The following COLEC12 variants were observed in gnomAD, a reference collection of about 807,000 sequenced individuals.
COLEC12 encodes the protein collectin subfamily member 12.
A neutral mutation model predicts 71.1 loss-of-function variants in COLEC12; 33 were observed. The observed-to-expected ratio is 0.46, with a 90% confidence interval of 0.35 to 0.62. The LOEUF is 0.62. Among genes scored for constraint, COLEC12 ranks in the 20% least tolerant of loss-of-function variants. The pLI is 0.00. For missense variants in COLEC12, 765 were observed against 916.1 expected, an observed-to-expected ratio of 0.84 and a Z score of 2.13; for synonymous variants, 350 against 353.0, an observed-to-expected ratio of 0.99 and a Z score of 0.10.
At chr18:330,059 C>G (rs1913937362) in intron 8 of COLEC12, among the ~76,000 whole-genome samples, 2 of 152,248 alleles carry the variant, frequency 1.3e-5, no homozygotes, top group South Asian at 4.1e-4. Context: ...GCCTGGGCAA[C>G]AGAGTGAGAC....
At chr18:370,413 C>A (rs1482517949) in intron 2 of COLEC12, among the ~76,000 whole-genome samples, 1 of 152,140 alleles carries the variant, frequency 6.6e-6, no homozygotes, top group East Asian at 1.9e-4. Flanking sequence ...AAAGAAGAAG[C>A]GGCTTTGGGT....
intron 2 of COLEC12, among the ~76,000 whole-genome samples, chr18:460,662 G>A (rs955750095): frequency 6.6e-6 from 1 of 152,160 alleles, no homozygotes; most frequent in Admixed American, 6.5e-5. Context: ...AGGCACGTGA[G>A]AAGCCCAGGG....
intron 2 of COLEC12, among the ~76,000 whole-genome samples, chr18:382,285 A>T (rs1915249974): frequency 6.6e-6 from 1 of 152,220 alleles, no homozygotes; most frequent in African/African-American, 2.4e-5. Context: ...AATCAGATAC[A>T]GATGGAAAAA....
chr18:493,987 TA>T (rs902889866), intron 1 of COLEC12, among the ~76,000 whole-genome samples: 13 of 148,190 alleles, frequency 8.8e-5, no homozygotes, highest in African/African-American at 2.5e-4. Context: ...GCAATAGTAC[TA>T]AAAAAAAAAC....
At chr18:479,710 A>G (rs931543090) in intron 2 of COLEC12, among the ~76,000 whole-genome samples, 1 of 152,186 alleles carries the variant, frequency 6.6e-6, no homozygotes, top group Admixed American at 6.5e-5. Flanking sequence ...CTGGCATTTC[A>G]AGGTCAAAGA....
chr18:441,521 T>C (rs542511059), intron 2 of COLEC12, among the ~76,000 whole-genome samples: 49 of 152,172 alleles, frequency 3.2e-4, no homozygotes, highest in Middle Eastern at 3.4e-3. Context: ...GACTCTAGAT[T>C]GGGGCATTCA....
intron 2 of COLEC12, among the ~76,000 whole-genome samples, chr18:383,796 TAAAGGAAAG>T (rs1224300942): frequency 2.6e-5 from 4 of 152,072 alleles, no homozygotes; most frequent in East Asian, 1.9e-4. Context: ...GGATAATTTA[TAAAGGAAAG>T]AAAGGAAAGA....
rs73371834 is a variant in COLEC12 at position 325,562 on chromosome 18, C to T, written c.2064-3755G>A. ...AGGTCTAGCAGGCAGCCTCCATTAA[C>T]AATGACAGTCTCCCAATCACATGCT... On this transcript the variant is annotated intron_variant, in intron 8 of 9. Coordinates refer to ENST00000400256, the MANE Select transcript of COLEC12 (RefSeq NM_130386.3). Among the ~76,000 whole-genome samples, 342 of 141,254 alleles carry T rather than the reference C, an allele frequency of 2.4e-3. 2 individuals carry two copies. Among genetic ancestry groups the T allele is most frequent in the African/African-American group, 8.5e-3 (324 of 38,156 alleles). 92.7% of individuals were successfully genotyped at this position (141,254 alleles called of 152,430 possible).
rs1913883242 is a variant in COLEC12 at position 327,971 on chromosome 18, T to C, written c.2063+3697A>G. 2.0e-5 allele frequency among the ~76,000 whole-genome samples: 3 copies of C among 152,170 alleles called. No individual in the cohort carries two copies. The South Asian group carries it at 6.2e-4, about 32-fold the overall frequency. ...ATTGCTACTTCAATCTCCTTCTTTG[T>C]TATTAGGCTGGCCAGGCTATTTCTT... is the stretch of plus-strand genomic sequence containing the variant. On this transcript the variant is annotated intron_variant, in intron 8 of 9. Coordinates refer to ENST00000400256, the MANE Select transcript of COLEC12 (RefSeq NM_130386.3). This position sits in a 1 kb window ranked among gnomAD's most constrained non-coding sequence, Gnocchi z 4.0.
Position 362,812 on chromosome 18 carries a change from GA to G in COLEC12, c.59-5291del, listed in dbSNP as rs1914775469. Reference sequence around the variant, plus strand: ...TTTCCCTCTTGAACTATCTCCCGCTGAACTCCACTCTTGGCTCATGTTTTGA... The same window carrying G: ...TTTCCCTCTTGAACTATCTCCCGCTGACTCCACTCTTGGCTCATGTTTTGA... On this transcript the variant is annotated intron_variant, in intron 2 of 9. Transcript: ENST00000400256. This position sits in a 1 kb window ranked among gnomAD's most constrained non-coding sequence, Gnocchi z 4.6. Among the ~76,000 whole-genome samples, 2 of 152,288 alleles carry G rather than the reference GA, an allele frequency of 1.3e-5. No individual in the cohort carries two copies. The highest frequency in any genetic ancestry group is 1.3e-4 in the Admixed American group (2 of 15,302).
intron 5 of COLEC12, among the ~76,000 whole-genome samples, chr18:336,263 G>C (rs991854518): frequency 6.6e-6 from 1 of 152,138 alleles, no homozygotes; most frequent in African/African-American, 2.4e-5. Flanking sequence ...CAGAGGGACG[G>C]GAGGTCTCTG....
At chr18:434,965 A>G (rs1916375760) in intron 2 of COLEC12, among the ~76,000 whole-genome samples, 1 of 152,206 alleles carries the variant, frequency 6.6e-6, no homozygotes, top group South Asian at 2.1e-4. Context: ...ACATTTGCTC[A>G]GCTTGGAATA....
At chr18:365,388 G>C (rs1372793616) in intron 2 of COLEC12, among the ~76,000 whole-genome samples, 1 of 152,218 alleles carries the variant, frequency 6.6e-6, no homozygotes, top group African/African-American at 2.4e-5. Flanking sequence ...AGATGGGCCA[G>C]GGAAAGAAGG....
intron 9 of COLEC12, among the ~76,000 whole-genome samples, chr18:320,982 G>A (rs770544594): frequency 6.6e-5 from 10 of 152,328 alleles, no homozygotes; most frequent in Admixed American, 1.3e-4. Flanking sequence ...ATAGATACAC[G>A]TGGAATTGAA....
intron 2 of COLEC12, among the ~76,000 whole-genome samples, chr18:415,109 C>T (rs1247969172): frequency 1.3e-5 from 2 of 152,236 alleles, no homozygotes; most frequent in African/African-American, 4.8e-5. Flanking sequence ...ATTACATACA[C>T]TGGAGAGCCA....
At chr18:398,649 A>G (rs1567896150) in intron 2 of COLEC12, among the ~76,000 whole-genome samples, 1 of 152,240 alleles carries the variant, frequency 6.6e-6, no homozygotes, top group South Asian at 2.1e-4. Context: ...GGAAAAGCAA[A>G]TTCACACTGC....
intron 2 of COLEC12, among the ~76,000 whole-genome samples, chr18:476,441 C>G (rs749476385): frequency 2.6e-5 from 4 of 152,234 alleles, no homozygotes; most frequent in Non-Finnish European, 4.4e-5. Context: ...TAACTCCACC[C>G]GTGATTTTCA....
chr18:334,901 C>T lies in COLEC12; in HGVS notation c.1657G>A (p.Val553Ile), dbSNP rs186088998. The part of the protein sequence containing the change: ...PPGFQGLQGT[V>I]GEPGVPGPRG... ...GGTCCAGGCACCCCAGGCTCCCCAACGGTGCCCTGAAGTCCCTGGAAGCCA... is the reference window on the plus strand; with the variant it reads ...GGTCCAGGCACCCCAGGCTCCCCAATGGTGCCCTGAAGTCCCTGGAAGCCA... The change falls in exon 6 of 10, where the codon GTT (valine) becomes ATT (isoleucine). Residue 553 changes from valine to isoleucine, a missense_variant. By Grantham distance (29) the Val-to-Ile change is conservative. Transcript: ENST00000400256. The T allele has an allele frequency of 2.8e-3, 4,271 of 1,539,684 alleles. 2 individuals are homozygous for T. The highest frequency in any genetic ancestry group is 3.4e-3 in the Non-Finnish European group (3,972 of 1,152,476).
Position 358,004 on chromosome 18 carries a change from G to A in COLEC12, c.59-482C>T, listed in dbSNP as rs140917707. 1.6e-3 allele frequency among the ~76,000 whole-genome samples: 241 copies of A among 152,314 alleles called. 4 individuals carry two copies. In the East Asian group the frequency reaches 0.041, roughly 26 times the overall value. On this transcript the variant is annotated intron_variant, in intron 2 of 9. Coordinates refer to ENST00000400256, the MANE Select transcript of COLEC12 (RefSeq NM_130386.3). ...GGCAGCATTAGATTCTCTTAGGAGC[G>A]TGAACCCTATTGTGAACTGCACATG...
Sources: gnomAD v4.1 joint callset for allele counts (sites outside exome capture counted in the v4.1 genomes callset) on GRCh38, gnomAD v4.1.1 for gene constraint, Gnocchi (gnomAD v3.1) non-coding constraint, MANE v1.5 for transcripts, NCBI Gene and HGNC (gene_info 2026-07-23, HGNC 2026-07-21) for gene names.